Variants in ZNF567 observed in about 807,000 individuals in gnomAD.
The protein encoded by ZNF567 is zinc finger protein 567.
A neutral mutation model predicts 53.9 loss-of-function variants in ZNF567; 36 were observed. That is an observed-to-expected ratio of 0.67 (90% CI 0.51 to 0.88). The LOEUF is 0.88. ZNF567 is among the 40% of genes least tolerant of loss of function. The probability of loss-of-function intolerance (pLI) is 0.00; values close to 1 mark genes in which losing one functional copy is unlikely to be tolerated. For synonymous variants in ZNF567, 224 were observed against 260.4 expected (o/e 0.86, Z 1.35); for missense variants, 619 against 764.7 (o/e 0.81, Z 2.25).
At chr19:36,698,019 ACCC>A (rs1392554799) in intron 3 of ZNF567, among the ~76,000 whole-genome samples, 1 of 149,896 alleles carries the variant, frequency 6.7e-6, no homozygotes, top group Non-Finnish European at 1.5e-5. Flanking sequence ...GGTGTGCTGC[ACCC>A]ATTAACTCGT....
the ZNF567 span, among the ~76,000 whole-genome samples, chr19:36,673,559 A>C: frequency 6.6e-6 from 1 of 152,166 alleles, no homozygotes; most frequent in African/African-American, 2.4e-5. Context: ...TTAGACTTCG[A>C]ATCACAACTG....
chr19:36,669,350 T>C, the ZNF567 span: 1 of 152,198 alleles, frequency 6.6e-6, no homozygotes, highest in African/African-American at 2.4e-5. Flanking sequence ...TTGGAGATCA[T>C]GTGAGATTTG....
At chr19:36,674,922 T>G in the ZNF567 span, among the ~76,000 whole-genome samples, 1 of 152,016 alleles carries the variant, frequency 6.6e-6, no homozygotes, top group African/African-American at 2.4e-5. Flanking sequence ...CCTGGCTAAT[T>G]TTTGTATTTT....
rs1483987586 is a variant in ZNF567, at chr19:36,689,479, G to A, written c.-85G>A. The A allele has an allele frequency of 6.6e-6, 1 of 152,122 alleles. No individual in the cohort carries two copies. The highest frequency in any genetic ancestry group is 1.5e-5 in the Non-Finnish European group (1 of 68,050). 9.4% of individuals were successfully genotyped at this position (152,122 alleles called of 1,614,324 possible). A position where few individuals can be genotyped will look rare whatever the true frequency, so the allele number is the denominator to read the frequency against. On this transcript the variant is annotated 5_prime_UTR_variant, in exon 2 of 6. Transcript: ENST00000682579. ...GAGACAAGAAGAGGCTAACATGACT[G>A]ATACCACTATAATTTAGTGTAAGTC...
chr19:36,683,318 C>A (rs1322532510), upstream of ZNF567, among the ~76,000 whole-genome samples: 2 of 152,044 alleles, frequency 1.3e-5, no homozygotes, highest in East Asian at 3.9e-4. Context: ...GTGTTCCACC[C>A]GTCTCAGCCT....
chr19:36,712,588 T>A, intron 4 of ZNF567, 76 bp downstream of exon 4: 1 of 1,586,622 alleles, frequency 6.3e-7, no homozygotes, highest in Non-Finnish European at 8.6e-7. Flanking sequence ...AATCTTGAAT[T>A]TCAGGAATAA....
chr19:36,676,581 C>G, the ZNF567 span, among the ~76,000 whole-genome samples: 2 of 152,112 alleles, frequency 1.3e-5, no homozygotes, highest in Non-Finnish European at 2.9e-5. Context: ...TACTTTTGCA[C>G]CAACCTAATA....
chr19:36,679,156 C>T, the ZNF567 span, among the ~76,000 whole-genome samples: 1 of 151,780 alleles, frequency 6.6e-6, no homozygotes, highest in Non-Finnish European at 1.5e-5. Context: ...CATGGTGGTA[C>T]GCACCTGTCG....
At chr19:36,694,323 A>G (rs2145596453) in intron 2 of ZNF567, among the ~76,000 whole-genome samples, 1 of 152,356 alleles carries the variant, frequency 6.6e-6, no homozygotes, top group Middle Eastern at 3.4e-3. Context: ...AGAAGCTAAA[A>G]GCGTTCTTTA....
At chr19:36,714,423 A>G in intron 5 of ZNF567, 1 of 398,002 alleles carries the variant, frequency 2.5e-6, no homozygotes. Context: ...CGGCCTCACA[A>G]AGTGCTGGGA....
chr19:36,682,426 C>G, the ZNF567 span, among the ~76,000 whole-genome samples: 1 of 151,460 alleles, frequency 6.6e-6, no homozygotes, highest in Non-Finnish European at 1.5e-5. Flanking sequence ...CTATATGATT[C>G]CACCTATATG....
chr19:36,705,090 C>A (rs1017900202), intron 3 of ZNF567, among the ~76,000 whole-genome samples: 1 of 151,988 alleles, frequency 6.6e-6, no homozygotes, highest in African/African-American at 2.4e-5. Flanking sequence ...TCACTTTTTC[C>A]CCTGGTTCTT....
chr19:36,706,664 TG>T (rs2039502906), intron 3 of ZNF567, among the ~76,000 whole-genome samples: 1 of 134,172 alleles, frequency 7.5e-6, no homozygotes, highest in Admixed American at 9.0e-5. Flanking sequence ...TCCTTTTTAC[TG>T]TTGGTTTTTT....
the ZNF567 span, among the ~76,000 whole-genome samples, chr19:36,672,342 G>A: frequency 3.3e-5 from 5 of 152,264 alleles, no homozygotes; most frequent in Admixed American, 6.5e-5. Context: ...TATGGACCTC[G>A]CTGAACAGGT....
intron 3 of ZNF567, among the ~76,000 whole-genome samples, chr19:36,702,677 A>G (rs1391336413): frequency 1.3e-5 from 2 of 151,826 alleles, no homozygotes; most frequent in African/African-American, 4.8e-5. Context: ...CATTCATTTG[A>G]TCTTCCATCA....
At chr19:36,672,713 T>A in the ZNF567 span, among the ~76,000 whole-genome samples, 1 of 152,176 alleles carries the variant, frequency 6.6e-6, no homozygotes, top group Non-Finnish European at 1.5e-5. Flanking sequence ...AGGGGTAGTA[T>A]TTTTTTCTTA....
At chr19:36,688,573 T>C (rs1245230388) in intron 1 of ZNF567, among the ~76,000 whole-genome samples, 1 of 151,788 alleles carries the variant, frequency 6.6e-6, no homozygotes. Context: ...TTTGGAAGGC[T>C]GAGGCGGGCC....
chr19:36,697,927 T>A (rs935484900), intron 3 of ZNF567, among the ~76,000 whole-genome samples: 27 of 151,744 alleles, frequency 1.8e-4, no homozygotes, highest in Non-Finnish European at 3.1e-4. Flanking sequence ...TCTTTTTTTT[T>A]TTTTTTTTTA....
At position 36,719,168 on chromosome 19, in the gene ZNF567, C is replaced by T; in HGVS notation, c.444C>T (p.Ile148=). 6.2e-7 allele frequency: 1 copy of T among 1,612,286 alleles called. No individual in the cohort carries two copies. The highest frequency in any genetic ancestry group is 8.5e-7 in the Non-Finnish European group (1 of 1,179,548). Residue 148 remains isoleucine (I), a synonymous_variant, in exon 6 of 6, where the codon ATC becomes ATT. Transcript: ENST00000682579. ...GRILKNVSEL[I]ISNLNPARKR... ...TTTTGAAAAATGTTTCAGAATTAAT[C>T]ATCAGTAATCTAAATCCTGCAAGAA... is the stretch of plus-strand genomic sequence containing the variant.
Sources: gnomAD v4.1 joint callset for allele counts (sites outside exome capture counted in the v4.1 genomes callset) on GRCh38, gnomAD v4.1.1 for gene constraint, MANE v1.5 for transcripts, NCBI Gene and HGNC (gene_info 2026-07-23, HGNC 2026-07-21) for gene names.